Variants in TTF2 observed in about 807,000 individuals in gnomAD.
TTF2 encodes transcription termination factor 2, also known as RNA polymerase II termination factor.
Under a neutral mutation model 142.4 loss-of-function variants are expected in TTF2, and 108 were observed. The ratio of observed to expected loss-of-function variants is 0.76; its 90% confidence interval spans 0.65 to 0.89. TTF2 has a LOEUF of 0.89. Among genes scored for constraint, TTF2 ranks in the 40% least tolerant of loss-of-function variants. TTF2 has a pLI of 0.00. For synonymous variants in TTF2, 483 were observed against 506.2 expected (o/e 0.95, Z 0.61); for missense variants, 1,327 against 1,379.8 (o/e 0.96, Z 0.61).
At position 117,089,949 on chromosome 1, in the gene TTF2, G is replaced by C. The variant is rs1570861906; in HGVS notation, c.2343-106G>C. ...TTTTAAAAGTGATTGGATGACAGGT[G>C]TAACAGAAAATCTGATTTGTCATCT... On this transcript the variant is annotated intron_variant, in intron 13 of 22. Coordinates refer to ENST00000369466, the MANE Select transcript of TTF2 (RefSeq NM_003594.4). The C allele has an allele frequency of 2.3e-6, 3 of 1,321,464 alleles. No individual in the cohort carries two copies. The East Asian group carries it at 7.3e-5, about 32-fold the overall frequency. The allele number at this position is 1,321,464 out of a possible 1,614,324, so 81.9% of individuals were successfully genotyped here. A position where few individuals can be genotyped will look rare whatever the true frequency, so the allele number is the denominator to read the frequency against.
At chr1:117,084,199 GT>G (rs1647805105) in intron 11 of TTF2, 31 bp downstream of exon 11, 2 of 1,612,068 alleles carry the variant, frequency 1.2e-6, no homozygotes, top group African/African-American at 2.7e-5. Context: ...TTGTGGGGGC[GT>G]TCAGCACCTC....
rs1328360200 is a variant in TTF2 at position 117,092,536 on chromosome 1, A to T, written c.2806-195A>T. Among the ~76,000 whole-genome samples, 1 of 152,234 alleles carries T rather than the reference A, an allele frequency of 6.6e-6. No homozygotes were observed. The highest frequency in any genetic ancestry group is 1.9e-4 in the East Asian group (1 of 5,198). ...GCCTGGCAAGTCTTTAAAAAGTTCC[A>T]TCATTTGGTTTATCTTTAATGTGGT... On this transcript the variant is annotated intron_variant, in intron 17 of 22. Transcript: ENST00000369466. This position sits in a 1 kb window ranked among gnomAD's most constrained non-coding sequence, Gnocchi z 4.4.
intron 18 of TTF2, 83 bp from the exon 19 acceptor site, chr1:117,095,226 G>C: frequency 7.7e-7 from 1 of 1,303,530 alleles, no homozygotes; most frequent in Non-Finnish European, 1.1e-6. Flanking sequence ...CGCCATGTAG[G>C]AGGCTGCTTC....
rs997864541 is a variant in TTF2 at position 117,079,617 on chromosome 1, G to A, written c.1751G>A (p.Arg584Gln). The part of the protein sequence containing the change: ...QKQALAWLLW[R>Q]ESQKPQGGIL... ...CAGGCATTGGCTTGGTTACTATGGCGAGAAAGTCAGAAGCCACAAGGAGGA... is the reference window on the plus strand; with the variant it reads ...CAGGCATTGGCTTGGTTACTATGGCAAGAAAGTCAGAAGCCACAAGGAGGA... The change falls in exon 9 of 23, where the codon CGA (arginine) becomes CAA (glutamine). Residue 584 changes from arginine to glutamine, a missense_variant. Arg to Gln is a conservative substitution (Grantham distance 43). Transcript: ENST00000369466. This position sits in a 1 kb window ranked among gnomAD's most constrained non-coding sequence, Gnocchi z 4.2. The A allele has an allele frequency of 9.3e-6, 15 of 1,614,090 alleles. No homozygotes were observed. The highest frequency in any genetic ancestry group is 4.5e-5 in the East Asian group (2 of 44,896).
In TTF2 at chr1:117,102,664, T is replaced by C. The variant is rs1447795750; in HGVS notation, c.*1140T>C. 6.6e-6 allele frequency: 1 copy of C among 152,256 alleles called. No individual in the cohort carries two copies. The highest frequency in any genetic ancestry group is 6.5e-5 in the Admixed American group (1 of 15,290). 9.4% of individuals were successfully genotyped at this position (152,256 alleles called of 1,614,324 possible). A position where few individuals can be genotyped will look rare whatever the true frequency, so the allele number is the denominator to read the frequency against. ...TTGTATTTTTACAAATTTGCAGTAT[T>C]TGTAGCATTTAGTATCATTGTTTCA... On this transcript the variant is annotated 3_prime_UTR_variant, in exon 23 of 23. Transcript: ENST00000369466.
At position 117,090,710 on chromosome 1, in the gene TTF2, A is replaced by G. The variant is rs745519934; in HGVS notation, c.2588+87A>G. 1 of 1,129,606 alleles carries G rather than the reference A, an allele frequency of 8.9e-7. No homozygotes were observed. The highest frequency in any genetic ancestry group is 1.3e-6 in the Non-Finnish European group (1 of 770,656). The allele number at this position is 1,129,606 out of a possible 1,614,324, so 70.0% of individuals were successfully genotyped here. ...GTGAGTTGAAGGTCAAATTTCCACAAACTTTATGGCATTATTGATTAGTTG... is the reference window on the plus strand; with the variant it reads ...GTGAGTTGAAGGTCAAATTTCCACAGACTTTATGGCATTATTGATTAGTTG... On this transcript the variant is annotated intron_variant, in intron 15 of 22. Coordinates refer to ENST00000369466, the MANE Select transcript of TTF2 (RefSeq NM_003594.4). This position sits in a 1 kb window ranked among gnomAD's most constrained non-coding sequence, Gnocchi z 4.8.
intron 7 of TTF2, among the ~76,000 whole-genome samples, chr1:117,077,104 G>A (rs1448902100): frequency 1.3e-5 from 2 of 151,796 alleles, no homozygotes; most frequent in East Asian, 1.9e-4. Context: ...AGGTATGTAC[G>A]TATGGGGAAA....
In TTF2 at chr1:117,076,909, A is replaced by C; in HGVS notation, c.1573+86A>C. On this transcript the variant is annotated intron_variant, in intron 7 of 22. Transcript: ENST00000369466. The surrounding 1 kb of genome is among the most constrained non-coding windows in gnomAD (Gnocchi z 4.6). ...GGTACAGTAGTCACCTCTTATCCAC[A>C]CTTTCAGTTAACCTTAGTCACCTGT... 7.8e-7 allele frequency: 1 copy of C among 1,279,626 alleles called. No individual in the cohort carries two copies. 79.3% of individuals were successfully genotyped at this position (1,279,626 alleles called of 1,614,324 possible).
Position 117,090,443 on chromosome 1 carries a change from A to T in TTF2, c.2497-89A>T. 1 of 1,280,754 alleles carries T rather than the reference A, an allele frequency of 7.8e-7. No individual in the cohort carries two copies. Among genetic ancestry groups the T allele is most frequent in the Non-Finnish European group, 1.1e-6 (1 of 897,622 alleles). The allele number at this position is 1,280,754 out of a possible 1,614,324, so 79.3% of individuals were successfully genotyped here. On this transcript the variant is annotated intron_variant, in intron 14 of 22. Transcript: ENST00000369466. The surrounding 1 kb of genome is among the most constrained non-coding windows in gnomAD (Gnocchi z 4.8). ...TGGAAGCTGCATTCCAGGGTTGACT[A>T]GATATGCAGTGTCAGTATGGGGAAT...
At position 117,100,489 on chromosome 1, in the gene TTF2, G is replaced by A. The variant is rs902072243; in HGVS notation, c.3345-891G>A. 5.9e-5 allele frequency among the ~76,000 whole-genome samples: 9 copies of A among 152,084 alleles called. No individual in the cohort carries two copies. Among genetic ancestry groups the A allele is most frequent in the Non-Finnish European group, 1.0e-4 (7 of 68,024 alleles). ...TCTTCAGTAGCTCTCACCTCCTATA[G>A]GATCAAATCAAAATGTCTTAGCATG... is the stretch of plus-strand genomic sequence containing the variant. On this transcript the variant is annotated intron_variant, in intron 22 of 22. Transcript: ENST00000369466. The surrounding 1 kb of genome is among the most constrained non-coding windows in gnomAD (Gnocchi z 4.6).
chr1:117,090,712 CT>C lies in TTF2; in HGVS notation c.2588+92del. On this transcript the variant is annotated intron_variant, in intron 15 of 22. Coordinates refer to ENST00000369466, the MANE Select transcript of TTF2 (RefSeq NM_003594.4). The surrounding 1 kb of genome is among the most constrained non-coding windows in gnomAD (Gnocchi z 4.8). Reference sequence around the variant, plus strand: ...GAGTTGAAGGTCAAATTTCCACAAACTTTATGGCATTATTGATTAGTTGGAT... The same window carrying C: ...GAGTTGAAGGTCAAATTTCCACAAACTTATGGCATTATTGATTAGTTGGAT... 9.1e-7 allele frequency: 1 copy of C among 1,093,914 alleles called. No individual in the cohort carries two copies. The highest frequency in any genetic ancestry group is 1.3e-6 in the Non-Finnish European group (1 of 742,176). 67.8% of individuals were successfully genotyped at this position (1,093,914 alleles called of 1,614,324 possible).
chr1:117,075,076 T>A lies in TTF2; in HGVS notation c.492T>A (p.Asp164Glu). The change falls in exon 5 of 23, where the codon GAT becomes GAA. Residue 164 changes from aspartate to glutamate, a missense_variant. Transcript: ENST00000369466. The surrounding 1 kb of genome is among the most constrained non-coding windows in gnomAD (Gnocchi z 4.5). ...KQREKGDQLF[D>E]QKKEQKPEMM... Reference sequence around the variant, plus strand: ...GAGAAAAGGGAGATCAGCTTTTCGATCAAAAGAAAGAACAGAAGCCTGAAA... The same window carrying A: ...GAGAAAAGGGAGATCAGCTTTTCGAACAAAAGAAAGAACAGAAGCCTGAAA... 6.2e-7 allele frequency: 1 copy of A among 1,613,700 alleles called. No individual in the cohort carries two copies. Among genetic ancestry groups the A allele is most frequent in the Non-Finnish European group, 8.5e-7 (1 of 1,179,956 alleles).
At position 117,091,931 on chromosome 1, in the gene TTF2, ATCTT is replaced by A. The variant is rs768232352; in HGVS notation, c.2792_2795del (p.Ser931TyrfsTer2). 1.5e-5 allele frequency: 24 copies of A among 1,612,160 alleles called. No homozygotes were observed. In the Admixed American group the frequency reaches 3.2e-4, roughly 21 times the overall value. Reference sequence around the variant, plus strand: ...CTGAGACTCCGCCAGTGTTGCTGTCATCTTTCTTTACTGAAGTCGGTAAGAAAAG... The same window carrying A: ...CTGAGACTCCGCCAGTGTTGCTGTCATCTTTACTGAAGTCGGTAAGAAAAG... On this transcript the variant is annotated frameshift_variant, in exon 17 of 23. Coordinates refer to ENST00000369466, the MANE Select transcript of TTF2 (RefSeq NM_003594.4). LOFTEE classifies it high-confidence loss of function.
chr1:117,068,420 G>A (rs904390169), intron 3 of TTF2, among the ~76,000 whole-genome samples: 5 of 151,846 alleles, frequency 3.3e-5, no homozygotes, highest in African/African-American at 1.2e-4. Flanking sequence ...GGGAGGGATA[G>A]CATTAGGAGA....
In TTF2 at chr1:117,103,708, A is replaced by G. The variant is rs1161541923; in HGVS notation, c.*2184A>G. On this transcript the variant is annotated 3_prime_UTR_variant, in exon 23 of 23. Transcript: ENST00000369466. ...AGTGGCTCAGGCCTGTCATCCCAGCACTTTGGGAGGCCGAGGCAGACGGAT... is the reference window on the plus strand; with the variant it reads ...AGTGGCTCAGGCCTGTCATCCCAGCGCTTTGGGAGGCCGAGGCAGACGGAT... 1 of 152,246 alleles carries G rather than the reference A, an allele frequency of 6.6e-6. No homozygotes were observed. The highest frequency in any genetic ancestry group is 1.5e-5 in the Non-Finnish European group (1 of 68,096). 9.4% of individuals were successfully genotyped at this position (152,246 alleles called of 1,614,324 possible). A position where few individuals can be genotyped will look rare whatever the true frequency, so the allele number is the denominator to read the frequency against.
chr1:117,091,922 G>A lies in TTF2; in HGVS notation c.2777G>A (p.Cys926Tyr). The A allele has an allele frequency of 6.2e-7, 1 of 1,612,800 alleles. No individual in the cohort carries two copies. The highest frequency in any genetic ancestry group is 8.5e-7 in the Non-Finnish European group (1 of 1,179,660). The change falls in exon 17 of 23, where the codon TGT becomes TAT. Residue 926 changes from cysteine (C) to tyrosine (Y), a missense_variant. By Grantham distance (194) the Cys-to-Tyr change is radical (BLOSUM62 -2). Coordinates refer to ENST00000369466, the MANE Select transcript of TTF2 (RefSeq NM_003594.4). Reference protein sequence around the residue: ...ILSQLLRLRQCCCHLSLLKSA... With the variant: ...ILSQLLRLRQYCCHLSLLKSA... ...TCCCAGTTGCTGAGACTCCGCCAGT[G>A]TTGCTGTCATCTTTCTTTACTGAAG...
intron 18 of TTF2, 148 bp from the exon 19 acceptor site, chr1:117,095,161 C>CT (rs1355678637): frequency 4.4e-5 from 30 of 682,944 alleles, no homozygotes; most frequent in Non-Finnish European, 7.1e-5. Context: ...TTAGAAAGAG[C>CT]TTTCTGGCTG....
At position 117,095,502 on chromosome 1, in the gene TTF2, G is replaced by A. The variant is rs1649039730; in HGVS notation, c.3035+135G>A. On this transcript the variant is annotated intron_variant, in intron 19 of 22. Transcript: ENST00000369466. ...TGAGGTTATAGCACACATTCCCTGT[G>A]ATTTCTAATTAAAATATTTGTGGTA... The A allele has an allele frequency of 2.3e-5, 17 of 735,010 alleles. 2 individuals are homozygous for A. In the South Asian group the frequency reaches 3.1e-4, roughly 14 times the overall value. 45.5% of individuals were successfully genotyped at this position (735,010 alleles called of 1,614,324 possible).
chr1:117,083,611 A>C (rs1256641111), intron 10 of TTF2, among the ~76,000 whole-genome samples: 1 of 152,196 alleles, frequency 6.6e-6, no homozygotes, highest in African/African-American at 2.4e-5. Flanking sequence ...TTTCACACTG[A>C]GGTCATGTGC....
Sources: allele counts gnomAD v4.1 joint callset (sites outside exome capture counted in the v4.1 genomes callset), GRCh38; gene constraint gnomAD v4.1.1; non-coding constraint Gnocchi (gnomAD v3.1); transcripts MANE v1.5; gene names NCBI Gene and HGNC (gene_info 2026-07-23, HGNC 2026-07-21).